The following TMEM50B variants were observed in gnomAD, a reference collection of about 807,000 sequenced individuals.
TMEM50B encodes HCV p7-trans-regulated protein 3.
Under a neutral mutation model 23.4 loss-of-function variants are expected in TMEM50B, and 14 were observed. The ratio of observed to expected loss-of-function variants is 0.60; its 90% CI spans 0.39 to 0.93. The LOEUF (loss-of-function observed/expected upper bound fraction) is 0.93. Ranked by LOEUF, TMEM50B falls within the 40% of genes least tolerant of loss-of-function variation. The probability of loss-of-function intolerance (pLI) is 0.00; values close to 1 mark genes in which losing one functional copy is unlikely to be tolerated. For synonymous variants in TMEM50B, 64 were observed against 62.3 expected (o/e 1.03, Z -0.13); for missense variants, 159 against 193.0 (o/e 0.82, Z 1.04).
intron 8 of TMEM50B, chr21:33,432,808 A>T: frequency 6.2e-7 from 1 of 1,613,768 alleles, no homozygotes; most frequent in Non-Finnish European, 8.5e-7. Flanking sequence ...TGGTCCTGAA[A>T]TATAGAGGCC....
chr21:33,468,683 A>G (rs539936388), intron 2 of TMEM50B, 104 bp downstream of exon 2: 2 of 848,206 alleles, frequency 2.4e-6, no homozygotes, highest in South Asian at 1.6e-5. Flanking sequence ...AACAGCAGTG[A>G]AATAAATAGT....
chr21:33,475,302 T>A (rs1389095502), intron 1 of TMEM50B, among the ~76,000 whole-genome samples: 1 of 152,168 alleles, frequency 6.6e-6, no homozygotes, highest in African/African-American at 2.4e-5. Context: ...ATACATGTTT[T>A]ATATGCTTTT....
chr21:33,463,018 A>G (rs906765862), intron 4 of TMEM50B, among the ~76,000 whole-genome samples: 1 of 152,224 alleles, frequency 6.6e-6, no homozygotes, highest in Admixed American at 6.5e-5. Context: ...AAGGCTGGGC[A>G]TGGTGGTTCA....
intron 1 of TMEM50B, among the ~76,000 whole-genome samples, chr21:33,470,025 TG>T (rs2084298592): frequency 6.6e-6 from 1 of 152,004 alleles, no homozygotes; most frequent in African/African-American, 2.4e-5. Flanking sequence ...ACTATAGGAG[TG>T]TAGCATACTA....
intron 6 of TMEM50B, among the ~76,000 whole-genome samples, chr21:33,451,481 G>C (rs1171232761): frequency 6.6e-6 from 1 of 152,164 alleles, no homozygotes; most frequent in Non-Finnish European, 1.5e-5. Context: ...TATCCTCAGA[G>C]TGAAACATAA....
intron 8 of TMEM50B, among the ~76,000 whole-genome samples, chr21:33,436,616 G>A (rs1247889201): frequency 2.0e-5 from 3 of 151,874 alleles, no homozygotes; most frequent in African/African-American, 7.3e-5. Flanking sequence ...CAGCTACTTG[G>A]AGGATTGAGG....
At chr21:33,434,601 G>A (rs756860211) in intron 8 of TMEM50B, among the ~76,000 whole-genome samples, 3 of 152,182 alleles carry the variant, frequency 2.0e-5, no homozygotes, top group Non-Finnish European at 4.4e-5. Context: ...AAAGGTGTTG[G>A]AAGCAGAATG....
chr21:33,436,697 A>T, intron 8 of TMEM50B: 1 of 687,532 alleles, frequency 1.5e-6, no homozygotes, highest in Non-Finnish European at 2.4e-6. Flanking sequence ...ACTCCAGCCT[A>T]GGCAAGAGTA....
intron 2 of TMEM50B, among the ~76,000 whole-genome samples, chr21:33,467,437 A>G (rs537593674): frequency 6.6e-6 from 1 of 152,354 alleles, no homozygotes; most frequent in Admixed American, 6.5e-5. Flanking sequence ...CAGTCTGGTC[A>G]ACATGGTGAA....
chr21:33,448,557 T>G (rs144840058), downstream of TMEM50B, among the ~76,000 whole-genome samples: 54 of 152,044 alleles, frequency 3.6e-4, no homozygotes, highest in African/African-American at 1.2e-3. Flanking sequence ...TTTGGCTCAC[T>G]GCAAGCTCTG....
intron 5 of TMEM50B, among the ~76,000 whole-genome samples, chr21:33,457,392 G>C (rs921274500): frequency 6.6e-6 from 1 of 152,192 alleles, no homozygotes; most frequent in Non-Finnish European, 1.5e-5. Flanking sequence ...GTTCATGCCT[G>C]TAATCCCAAC....
chr21:33,475,546 C>T (rs1333489416), intron 1 of TMEM50B, among the ~76,000 whole-genome samples: 1 of 151,334 alleles, frequency 6.6e-6, no homozygotes, highest in African/African-American at 2.4e-5. Context: ...CAGGGTTTCA[C>T]CATCTTGGCC....
rs535853780 is a variant in TMEM50B, at chr21:33,450,668, T to A, written c.*150A>T. ...TGCAATGAAAAATAAAGAAATTTCA[T>A]AAAACTATTTCAAAACTCAGAACAT... On this transcript the variant is annotated 3_prime_UTR_variant, in exon 7 of 7. Transcript: ENST00000542230. The A allele has an allele frequency of 1.3e-5, 8 of 598,662 alleles. No homozygotes were observed. In the East Asian group the frequency reaches 2.2e-4, roughly 17 times the overall value. The allele number at this position is 598,662 out of a possible 1,614,324, so 37.1% of individuals were successfully genotyped here.
chr21:33,438,566 G>A (rs900616740), intron 8 of TMEM50B, among the ~76,000 whole-genome samples: 2 of 152,108 alleles, frequency 1.3e-5, no homozygotes, highest in African/African-American at 4.8e-5. Flanking sequence ...GGGAGGCCGA[G>A]GCAGGCAGAT....
Position 33,450,938 on chromosome 21 carries a change from G to A in TMEM50B, c.432-75C>T. On this transcript the variant is annotated intron_variant, in intron 6 of 6. Coordinates refer to ENST00000542230, the MANE Select transcript of TMEM50B (RefSeq NM_006134.7). ...AACACAGAATTCATTTTCTCAATAT[G>A]CTTTGACAGGTACTTCACTGATTCC... is the stretch of plus-strand genomic sequence containing the variant. 4.1e-6 allele frequency: 5 copies of A among 1,233,538 alleles called. No homozygotes were observed. In the South Asian group the frequency reaches 6.3e-5, roughly 15 times the overall value. The allele number at this position is 1,233,538 out of a possible 1,614,324, so 76.4% of individuals were successfully genotyped here.
intron 6 of TMEM50B, among the ~76,000 whole-genome samples, chr21:33,453,694 A>C (rs2084143240): frequency 6.6e-6 from 1 of 152,178 alleles, no homozygotes; most frequent in South Asian, 2.1e-4. Flanking sequence ...AAAACCAGTG[A>C]CAAAAGCAAA....
intron 1 of TMEM50B, among the ~76,000 whole-genome samples, chr21:33,474,350 TTAA>T (rs1364802868): frequency 6.6e-6 from 1 of 151,980 alleles, no homozygotes; most frequent in Non-Finnish European, 1.5e-5. Context: ...TTTCTTTTTT[TTAA>T]TAAGAGTAAA....
intron 1 of TMEM50B, among the ~76,000 whole-genome samples, chr21:33,470,821 C>CA (rs2123454446): frequency 6.6e-6 from 1 of 151,800 alleles, no homozygotes; most frequent in Admixed American, 6.6e-5. Context: ...TCCCAGGAGG[C>CA]AGAGGTTGGG....
chr21:33,463,589 A>T (rs1369583623), intron 4 of TMEM50B, among the ~76,000 whole-genome samples: 1 of 151,908 alleles, frequency 6.6e-6, no homozygotes, highest in Non-Finnish European at 1.5e-5. Context: ...ACATTTGATC[A>T]AGCTCATCAA....
Sources: allele counts gnomAD v4.1 joint callset (sites outside exome capture counted in the v4.1 genomes callset), GRCh38; gene constraint gnomAD v4.1.1; transcripts MANE v1.5; gene names NCBI Gene and HGNC (gene_info 2026-07-23, HGNC 2026-07-21).